NCOR2: variants seen among roughly 807,000 people sequenced by gnomAD.
NCOR2 encodes CTG repeat protein 26.
Under a neutral mutation model 262.9 loss-of-function variants are expected in NCOR2, and 81 were observed. That is an observed-to-expected ratio of 0.31 (90% CI 0.26 to 0.37). NCOR2 has a LOEUF of 0.37. Among genes scored for constraint, NCOR2 ranks in the 10% least tolerant of loss-of-function variants. NCOR2 has a pLI of 1.00. For missense variants in NCOR2, 3,385 were observed against 3,621.4 expected (o/e 0.93, Z 1.68); for synonymous variants, 1,659 against 1,559.3 (o/e 1.06, Z -1.51).
At chr12:124,386,881 T>C (rs1248151999) in intron 16 of NCOR2, among the ~76,000 whole-genome samples, 1 of 152,210 alleles carries the variant, frequency 6.6e-6, no homozygotes, top group African/African-American at 2.4e-5. Context: ...TGACCTTGTG[T>C]GGCCCAGCCA....
chr12:124,519,089 T>TACACACACACACATACACAC (rs2050019133), intron 1 of NCOR2, among the ~76,000 whole-genome samples: 1 of 97,268 alleles, frequency 1.0e-5, no homozygotes, highest in Non-Finnish European at 2.2e-5. Flanking sequence ...GGCCAAATAA[T>TACACACACACACATACACAC]ACACACACAC....
At chr12:124,438,884 G>GACCCAGAGAGAGAGGGAGACAGAA (rs2044587797) in intron 7 of NCOR2, among the ~76,000 whole-genome samples, 2 of 36,280 alleles carry the variant, frequency 5.5e-5, no homozygotes, top group African/African-American at 1.1e-4. Flanking sequence ...GGAAGACAGA[G>GACCCAGAGAGAGAGGGAGACAGAA]ACCCAGAGAG....
chr12:124,364,986 C>T (rs977198687), intron 20 of NCOR2, among the ~76,000 whole-genome samples: 2 of 148,434 alleles, frequency 1.3e-5, no homozygotes, highest in African/African-American at 5.0e-5. Context: ...CCTGCGTCTG[C>T]GGGTATGGAG....
At chr12:124,370,120 C>T (rs1434188078) in intron 20 of NCOR2, among the ~76,000 whole-genome samples, 2 of 152,200 alleles carry the variant, frequency 1.3e-5, no homozygotes, top group African/African-American at 4.8e-5. Flanking sequence ...TATCCAGGCA[C>T]AATGGCCCTG....
chr12:124,492,773 C>T (rs776715617), intron 1 of NCOR2, among the ~76,000 whole-genome samples: 2 of 152,180 alleles, frequency 1.3e-5, no homozygotes, highest in Non-Finnish European at 2.9e-5. Flanking sequence ...ATCACAGCCC[C>T]CAGCTCACCT....
At chr12:124,386,918 T>C (rs2040848545) in intron 16 of NCOR2, among the ~76,000 whole-genome samples, 1 of 152,220 alleles carries the variant, frequency 6.6e-6, no homozygotes, top group Non-Finnish European at 1.5e-5. Context: ...CCTGCCCACT[T>C]TCCCAGGGCT....
At chr12:124,425,446 T>C (rs891382821) in intron 11 of NCOR2, among the ~76,000 whole-genome samples, 2 of 152,020 alleles carry the variant, frequency 1.3e-5, no homozygotes, top group Non-Finnish European at 2.9e-5. Context: ...TAGCTCATCA[T>C]GTATCATTAA....
At position 124,549,435 on chromosome 12, in the gene NCOR2, G is replaced by A. The variant is rs1312188943; in HGVS notation, c.-164-13824C>T. Among the ~76,000 whole-genome samples the A allele has an allele frequency of 6.6e-6, 1 of 152,160 alleles. No individual in the cohort carries two copies. The highest frequency in any genetic ancestry group is 2.4e-5 in the African/African-American group (1 of 41,410). On this transcript the variant is annotated intron_variant, in intron 1 of 32. Transcript: ENST00000458234. The surrounding 1 kb of genome is among the most constrained non-coding windows in gnomAD (Gnocchi z 4.4). The stretch of plus-strand genomic sequence containing the variant: ...TAATCCCCCTAGGGATCTCTGCTGA[G>A]CTGGCTCCTTGGGGGCCTGGGGAGG...
chr12:124,483,558 A>G lies in NCOR2; in HGVS notation c.411+38T>C. 6.6e-7 allele frequency: 1 copy of G among 1,511,042 alleles called. No homozygotes were observed. The highest frequency in any genetic ancestry group is 2.2e-5 in the Admixed American group (1 of 44,528). 93.6% of individuals were successfully genotyped at this position (1,511,042 alleles called of 1,614,324 possible). A position where few individuals can be genotyped will look rare whatever the true frequency, so the allele number is the denominator to read the frequency against. On this transcript the variant is annotated intron_variant, in intron 3 of 46. Coordinates refer to ENST00000405201, the Ensembl canonical transcript of NCOR2. This position sits in a 1 kb window ranked among gnomAD's most constrained non-coding sequence, Gnocchi z 6.3. ...CAGCCCAACCAGCAGCAGAACCTCAAGCGGGAGAGGAGCTCCCAGCTGGGG... is the reference window on the plus strand; with the variant it reads ...CAGCCCAACCAGCAGCAGAACCTCAGGCGGGAGAGGAGCTCCCAGCTGGGG...
chr12:124,450,397 C>T (rs1413677036), intron 6 of NCOR2, among the ~76,000 whole-genome samples: 2 of 152,218 alleles, frequency 1.3e-5, no homozygotes, highest in African/African-American at 4.8e-5. Flanking sequence ...ACACATCCCC[C>T]AGAGAGACAA....
intron 7 of NCOR2, among the ~76,000 whole-genome samples, chr12:124,445,326 G>A (rs1301614651): frequency 6.6e-6 from 1 of 152,174 alleles, no homozygotes; most frequent in African/African-American, 2.4e-5. Flanking sequence ...CTGCCCCTCT[G>A]CGGCTGCCCC....
intron 3 of NCOR2, among the ~76,000 whole-genome samples, chr12:124,478,153 G>C (rs1218411898): frequency 6.6e-6 from 1 of 152,150 alleles, no homozygotes; most frequent in African/African-American, 2.4e-5. Flanking sequence ...GGAGTCACCG[G>C]CTTCCTTCCT....
intron 20 of NCOR2, among the ~76,000 whole-genome samples, chr12:124,365,876 G>A (rs1048098467): frequency 6.6e-6 from 1 of 152,028 alleles, no homozygotes; most frequent in Non-Finnish European, 1.5e-5. Context: ...CCTGACCCAG[G>A]TCCAAACACA....
chr12:124,412,594 A>G (rs2042639892), intron 13 of NCOR2, among the ~76,000 whole-genome samples: 1 of 152,122 alleles, frequency 6.6e-6, no homozygotes, highest in African/African-American at 2.4e-5. Context: ...CACCCCAAAC[A>G]CCTGGGAAGG....
chr12:124,327,681 G>T (rs562138232), intron 44 of NCOR2, 48 bp from the exon 47 acceptor site: 6 of 1,456,572 alleles, frequency 4.1e-6, no homozygotes, highest in South Asian at 1.2e-5. Flanking sequence ...GGGCCGGGGA[G>T]GGGGAGCCAG....
intron 4 of NCOR2, 55 bp downstream of exon 6, chr12:124,472,897 G>C: frequency 1.2e-6 from 2 of 1,604,524 alleles, no homozygotes; most frequent in Non-Finnish European, 1.7e-6. Flanking sequence ...CGCTGTCACT[G>C]CTGCTAGAAT....
chr12:124,325,386 C>CCCCG lies in NCOR2; in HGVS notation c.*15_*16insCGGG, dbSNP rs767845044. 13 of 589,828 alleles carry CCCCG rather than the reference C, an allele frequency of 2.2e-5. 1 individual carries two copies. Among genetic ancestry groups the CCCCG allele is most frequent in the Admixed American group, 5.6e-5 (1 of 17,788 alleles). 36.5% of individuals were successfully genotyped at this position (589,828 alleles called of 1,614,324 possible). ...GCTGGGACCTGACACCGCCCCCCCC[C>CCCCG]CCGCCCTGTTCTGAGTCACTCGCTG... On this transcript the variant is annotated 3_prime_UTR_variant, in exon 47 of 47. Coordinates refer to ENST00000405201, the Ensembl canonical transcript of NCOR2.
intron 12 of NCOR2, among the ~76,000 whole-genome samples, chr12:124,421,320 T>G (rs2043192095): frequency 6.6e-6 from 1 of 152,218 alleles, no homozygotes; most frequent in South Asian, 2.1e-4. Context: ...CACAAAGACT[T>G]CTAATCCCCT....
chr12:124,382,111 T>C (rs1473948518), intron 17 of NCOR2, among the ~76,000 whole-genome samples: 1 of 152,198 alleles, frequency 6.6e-6, no homozygotes, highest in Non-Finnish European at 1.5e-5. Context: ...CAGAGGTGGC[T>C]GATACTGCGT....
Sources: gnomAD v4.1 joint callset for allele counts (sites outside exome capture counted in the v4.1 genomes callset) on GRCh38, gnomAD v4.1.1 for gene constraint, Gnocchi (gnomAD v3.1) non-coding constraint, MANE v1.5 for transcripts, NCBI Gene and HGNC (gene_info 2026-07-23, HGNC 2026-07-21) for gene names.